The following PCDHA2 variants were observed in gnomAD, a reference collection of about 807,000 sequenced individuals.
PCDHA2 encodes the protein protocadherin alpha-2.
A neutral mutation model predicts 66.0 loss-of-function variants in PCDHA2; 58 were observed. The observed-to-expected ratio is 0.88, with a 90% CI of 0.71 to 1.09. The LOEUF (loss-of-function observed/expected upper bound fraction) is 1.09. PCDHA2 is among the 50% of genes least tolerant of loss of function. The pLI is 0.00. For missense variants in PCDHA2, 1,267 were observed against 1,242.3 expected (o/e 1.02, Z -0.30); for synonymous variants, 634 against 554.0 (o/e 1.14, Z -2.03).
intron 1 of PCDHA2, among the ~76,000 whole-genome samples, chr5:140,964,532 G>A (rs995586958): frequency 2.0e-5 from 3 of 152,156 alleles, no homozygotes; most frequent in Non-Finnish European, 4.4e-5. Context: ...TCTGAGCTGC[G>A]TGCAGAGATG....
intron 1 of PCDHA2, chr5:140,841,417 C>T (rs1242106171): frequency 1.2e-6 from 2 of 1,612,932 alleles, no homozygotes; most frequent in African/African-American, 1.3e-5. Flanking sequence ...GCCAGCTCCA[C>T]TACTCCGTCC....
chr5:141,009,597 G>A (rs1284925593), intron 3 of PCDHA2, 30 bp from the exon 4 acceptor site: 1 of 1,605,790 alleles, frequency 6.2e-7, no homozygotes, highest in Non-Finnish European at 8.5e-7. Flanking sequence ...TGTTGACCCT[G>A]TTAATGATTT....
chr5:140,915,553 A>T (rs1317422262), intron 1 of PCDHA2, among the ~76,000 whole-genome samples: 1 of 152,156 alleles, frequency 6.6e-6, no homozygotes, highest in African/African-American at 2.4e-5. Context: ...AATAAGATCC[A>T]GAATGATTAT....
chr5:140,965,283 A>G (rs1342044804), intron 1 of PCDHA2, among the ~76,000 whole-genome samples: 1 of 152,200 alleles, frequency 6.6e-6, no homozygotes, highest in Non-Finnish European at 1.5e-5. Context: ...CACAGCATGG[A>G]AAGATTTCCT....
intron 1 of PCDHA2, among the ~76,000 whole-genome samples, chr5:140,948,738 A>T (rs1347138284): frequency 6.6e-6 from 1 of 151,488 alleles, no homozygotes; most frequent in African/African-American, 2.4e-5. Flanking sequence ...CTAGCTGAGA[A>T]TTTATCAATT....
chr5:141,005,737 G>A (rs568489145), intron 3 of PCDHA2, among the ~76,000 whole-genome samples: 173 of 143,620 alleles, frequency 1.2e-3, no homozygotes, highest in African/African-American at 4.5e-3. Flanking sequence ...AAAAAGAATG[G>A]ATGAGAAATC....
intron 1 of PCDHA2, among the ~76,000 whole-genome samples, chr5:140,839,882 T>G (rs2150166870): frequency 6.6e-6 from 1 of 152,128 alleles, no homozygotes; most frequent in South Asian, 2.1e-4. Context: ...ATGAATAGAA[T>G]TTTGACAGAA....
At position 140,870,104 on chromosome 5, in the gene PCDHA2, C is replaced by G. The variant is rs782066407; in HGVS notation, c.2388+72752C>G. 3.1e-6 allele frequency: 5 copies of G among 1,613,930 alleles called. No individual in the cohort carries two copies. The Admixed American group carries it at 8.3e-5, about 27-fold the overall frequency. ...ACTCCCCCAATGGCAGGTCACTGTACAGTCTGGGTGGAAATCTTGGACACC... is the reference window on the plus strand; with the variant it reads ...ACTCCCCCAATGGCAGGTCACTGTAGAGTCTGGGTGGAAATCTTGGACACC... On this transcript the variant is annotated intron_variant, in intron 1 of 3. Coordinates refer to ENST00000526136, the MANE Select transcript of PCDHA2 (RefSeq NM_018905.3).
At chr5:140,984,547 C>T (rs1554246370) in intron 3 of PCDHA2, among the ~76,000 whole-genome samples, 2 of 152,118 alleles carry the variant, frequency 1.3e-5, no homozygotes, top group Non-Finnish European at 2.9e-5. Context: ...CTGGATAGAG[C>T]TTACATCTTC....
chr5:140,992,485 A>T (rs1234957114), intron 3 of PCDHA2, among the ~76,000 whole-genome samples: 1 of 152,208 alleles, frequency 6.6e-6, no homozygotes, highest in Non-Finnish European at 1.5e-5. Flanking sequence ...CCCAGAGGCC[A>T]ATCTGTAAGG....
chr5:140,967,088 GAGGCGCTGTGTGAGC>G, intron 1 of PCDHA2: 1 of 1,613,226 alleles, frequency 6.2e-7, no homozygotes, highest in Non-Finnish European at 8.5e-7. Context: ...CATTGATCGG[GAGGCGCTGTGTGAGC>G]AGCGGCCTCG....
chr5:140,808,362 A>G, intron 1 of PCDHA2: 1 of 1,614,180 alleles, frequency 6.2e-7, no homozygotes, highest in Non-Finnish European at 8.5e-7. Context: ...TTGACGTCCC[A>G]CGTCCCCTTC....
intron 3 of PCDHA2, among the ~76,000 whole-genome samples, chr5:140,993,704 A>G (rs1032326931): frequency 3.3e-5 from 5 of 152,172 alleles, no homozygotes; most frequent in African/African-American, 1.2e-4. Flanking sequence ...TTGTAATACC[A>G]TATTTTTACT....
At chr5:140,918,268 A>T (rs1554198508) in intron 1 of PCDHA2, among the ~76,000 whole-genome samples, 2 of 152,084 alleles carry the variant, frequency 1.3e-5, no homozygotes. Context: ...TGGAGGTTTT[A>T]TCAGATGTAG....
intron 1 of PCDHA2, among the ~76,000 whole-genome samples, chr5:140,942,450 C>A (rs1017198131): frequency 6.6e-6 from 1 of 151,378 alleles, no homozygotes; most frequent in African/African-American, 2.4e-5. Flanking sequence ...AGTAAACTAT[C>A]AATTATAATA....
chr5:140,801,889 C>T (rs782143369), intron 1 of PCDHA2: 1 of 1,614,162 alleles, frequency 6.2e-7, no homozygotes, highest in South Asian at 1.1e-5. Flanking sequence ...CTAAAGATCA[C>T]TGTTTTAGAT....
chr5:140,852,300 C>A (rs1056866634), intron 1 of PCDHA2: 2 of 445,888 alleles, frequency 4.5e-6, no homozygotes, highest in East Asian at 1.5e-4. Flanking sequence ...TTTTCTGAGA[C>A]GGAGTCGTTT....
intron 1 of PCDHA2, among the ~76,000 whole-genome samples, chr5:140,893,065 A>G (rs2063802609): frequency 6.6e-6 from 1 of 152,226 alleles, no homozygotes; most frequent in South Asian, 2.1e-4. Context: ...TACTGCCATG[A>G]ATAACAGGAT....
At position 140,854,813 on chromosome 5, in the gene PCDHA2, C is replaced by T. The variant is rs957346497; in HGVS notation, c.2388+57461C>T. 2.0e-5 allele frequency: 3 copies of T among 149,256 alleles called. 1 individual carries two copies. Among genetic ancestry groups the T allele is most frequent in the Admixed American group, 6.7e-5 (1 of 14,824 alleles). The allele number at this position is 149,256 out of a possible 1,614,324, so 9.2% of individuals were successfully genotyped here. On this transcript the variant is annotated intron_variant, in intron 1 of 3. Coordinates refer to ENST00000526136, the MANE Select transcript of PCDHA2 (RefSeq NM_018905.3). ...GAGAGAGAAAAAAATATTTTTACTGCAAGTGGTGATGAAAAACTTCACTGA... is the reference window on the plus strand; with the variant it reads ...GAGAGAGAAAAAAATATTTTTACTGTAAGTGGTGATGAAAAACTTCACTGA...
Sources: gnomAD v4.1 joint callset for allele counts (sites outside exome capture counted in the v4.1 genomes callset) on GRCh38, gnomAD v4.1.1 for gene constraint, MANE v1.5 for transcripts, NCBI Gene and HGNC (gene_info 2026-07-23, HGNC 2026-07-21) for gene names.